Variants in SMAP1 observed in about 807,000 individuals in gnomAD.
SMAP1 encodes small ArfGAP 1.
SMAP1 carries 24 observed loss-of-function variants against 58.5 expected under a neutral mutation model. The ratio of observed to expected loss-of-function variants is 0.41; its 90% CI spans 0.30 to 0.58. SMAP1 has a LOEUF of 0.58. Among genes scored for constraint, SMAP1 ranks in the 20% least tolerant of loss-of-function variants. The pLI, the probability that SMAP1 is intolerant of heterozygous loss-of-function variation, is 0.29. For synonymous variants in SMAP1, 216 were observed against 196.6 expected (o/e 1.10, Z -0.82); for missense variants, 563 against 566.3 (o/e 0.99, Z 0.06).
chr6:70,716,098 A>C (rs1768257585), intron 1 of SMAP1, among the ~76,000 whole-genome samples: 1 of 152,222 alleles, frequency 6.6e-6, no homozygotes. Context: ...GTATTCCATC[A>C]TACAGATACA....
chr6:70,832,758 C>G (rs1262259408), intron 6 of SMAP1, among the ~76,000 whole-genome samples: 5 of 152,214 alleles, frequency 3.3e-5, no homozygotes, highest in Non-Finnish European at 7.3e-5. Flanking sequence ...AATTCACTCT[C>G]TTGATAACTA....
Position 70,858,248 on chromosome 6 carries a change from C to G in SMAP1, c.1269+19C>G, listed in dbSNP as rs1771522573. 1 of 1,105,792 alleles carries G rather than the reference C, an allele frequency of 9.0e-7. No homozygotes were observed. The highest frequency in any genetic ancestry group is 1.3e-5 in the South Asian group (1 of 75,818). 68.5% of individuals were successfully genotyped at this position (1,105,792 alleles called of 1,614,324 possible). A position where few individuals can be genotyped will look rare whatever the true frequency, so the allele number is the denominator to read the frequency against. On this transcript the variant is annotated intron_variant, in intron 10 of 10. Transcript: ENST00000370455. The stretch of plus-strand genomic sequence containing the variant: ...CTCACAGGTAGGGGTCATTTACTTT[C>G]TAGCTTCTCCCAAATCAAACCAGAT...
rs528888999 is a variant in SMAP1 at position 70,680,866 on chromosome 6, G to A, written c.118+12725G>A. On this transcript the variant is annotated intron_variant, in intron 1 of 10. Coordinates refer to ENST00000370455, the MANE Select transcript of SMAP1 (RefSeq NM_001044305.3). Reference sequence around the variant, plus strand: ...CTCAAGTAGCTGGGATTACAGGCACGTGCCACCACACCCAGCTAATTTTTG... The same window carrying A: ...CTCAAGTAGCTGGGATTACAGGCACATGCCACCACACCCAGCTAATTTTTG... 6.6e-5 allele frequency among the ~76,000 whole-genome samples: 10 copies of A among 151,742 alleles called. No homozygotes were observed. The East Asian group carries it at 2.0e-3, about 30-fold the overall frequency.
intron 6 of SMAP1, among the ~76,000 whole-genome samples, chr6:70,825,201 A>G (rs948838564): frequency 6.6e-6 from 1 of 152,172 alleles, no homozygotes; most frequent in Admixed American, 6.5e-5. Context: ...GAAAATTATT[A>G]CAAATTTCAA....
intron 2 of SMAP1, among the ~76,000 whole-genome samples, chr6:70,753,904 T>G (rs896028523): frequency 1.3e-5 from 2 of 151,968 alleles, no homozygotes; most frequent in African/African-American, 4.8e-5. Flanking sequence ...TGAGGAAGAA[T>G]AGATACCTAG....
intron 6 of SMAP1, among the ~76,000 whole-genome samples, chr6:70,833,775 C>A (rs1770458154): frequency 6.6e-6 from 1 of 152,164 alleles, no homozygotes; most frequent in Non-Finnish European, 1.5e-5. Context: ...ATTTTCTATT[C>A]TGTATCATTT....
intron 6 of SMAP1, among the ~76,000 whole-genome samples, chr6:70,828,185 A>G (rs1017838237): frequency 1.3e-5 from 2 of 152,194 alleles, no homozygotes; most frequent in South Asian, 2.1e-4. Context: ...CATATAGTCA[A>G]AAGACTTTAT....
chr6:70,832,830 A>G (rs1770416987), intron 6 of SMAP1, among the ~76,000 whole-genome samples: 1 of 152,190 alleles, frequency 6.6e-6, no homozygotes, highest in African/African-American at 2.4e-5. Flanking sequence ...TGACCTCATC[A>G]TCTCTTACTA....
At chr6:70,757,660 A>G (rs939537927) in intron 3 of SMAP1, among the ~76,000 whole-genome samples, 1 of 152,138 alleles carries the variant, frequency 6.6e-6, no homozygotes, top group Non-Finnish European at 1.5e-5. Flanking sequence ...AATGAACTCA[A>G]ACAAATTTAC....
chr6:70,845,971 G>A (rs905998886), intron 7 of SMAP1, among the ~76,000 whole-genome samples: 1 of 152,202 alleles, frequency 6.6e-6, no homozygotes, highest in Non-Finnish European at 1.5e-5. Flanking sequence ...AGATAGTTGT[G>A]TGGAAGCTGT....
At chr6:70,789,069 C>G (rs1187273816) in intron 4 of SMAP1, among the ~76,000 whole-genome samples, 1 of 152,030 alleles carries the variant, frequency 6.6e-6, no homozygotes, top group Non-Finnish European at 1.5e-5. Context: ...CTCATTTACC[C>G]CTGTGTTCTG....
chr6:70,690,587 A>G (rs1174712714), intron 1 of SMAP1, among the ~76,000 whole-genome samples: 2 of 151,634 alleles, frequency 1.3e-5, no homozygotes, highest in African/African-American at 2.4e-5. Flanking sequence ...ATTACAGGCC[A>G]CCCGGCCGGT....
intron 6 of SMAP1, among the ~76,000 whole-genome samples, chr6:70,811,096 C>A (rs1014884986): frequency 6.6e-6 from 1 of 152,112 alleles, no homozygotes; most frequent in African/African-American, 2.4e-5. Context: ...TATTAACAAA[C>A]TACTAAAAGA....
chr6:70,754,002 C>G (rs1400995808), intron 2 of SMAP1, among the ~76,000 whole-genome samples: 1 of 152,030 alleles, frequency 6.6e-6, no homozygotes, highest in Non-Finnish European at 1.5e-5. Flanking sequence ...AAAGATAGTT[C>G]TGTGTATACT....
At chr6:70,779,904 C>G (rs1441267174) in intron 4 of SMAP1, among the ~76,000 whole-genome samples, 2 of 152,070 alleles carry the variant, frequency 1.3e-5, no homozygotes, top group Non-Finnish European at 2.9e-5. Flanking sequence ...GCACAGAGAC[C>G]ATAGTAAATC....
intron 6 of SMAP1, among the ~76,000 whole-genome samples, chr6:70,807,302 T>G (rs951830556): frequency 1.3e-5 from 2 of 152,216 alleles, no homozygotes; most frequent in Non-Finnish European, 1.5e-5. Flanking sequence ...AGGCTTACTT[T>G]TTTTCTGGGA....
chr6:70,823,495 TAAAAA>T (rs1229830594), intron 6 of SMAP1, among the ~76,000 whole-genome samples: 1 of 152,116 alleles, frequency 6.6e-6, no homozygotes, highest in East Asian at 1.9e-4. Context: ...CAGGCCTTGT[TAAAAA>T]GAACAGAATG....
intron 4 of SMAP1, among the ~76,000 whole-genome samples, chr6:70,784,663 A>G (rs1767922730): frequency 6.6e-6 from 1 of 152,246 alleles, no homozygotes; most frequent in South Asian, 2.1e-4. Flanking sequence ...CCAGTCTCTG[A>G]TAAAACAGAC....
At chr6:70,696,044 T>G (rs1305033024) in intron 1 of SMAP1, among the ~76,000 whole-genome samples, 2 of 152,224 alleles carry the variant, frequency 1.3e-5, no homozygotes, top group Non-Finnish European at 2.9e-5. Context: ...TTCGTCTAGC[T>G]TTTCCAATTT....
Sources: allele counts gnomAD v4.1 joint callset (sites outside exome capture counted in the v4.1 genomes callset), GRCh38; gene constraint gnomAD v4.1.1; transcripts MANE v1.5; gene names NCBI Gene and HGNC (gene_info 2026-07-23, HGNC 2026-07-21).